The following PDXDC1 variants were observed in gnomAD, a reference collection of about 807,000 sequenced individuals.
The protein encoded by PDXDC1 is pyridoxal-dependent decarboxylase domain-containing protein 1.
PDXDC1 carries 42 observed loss-of-function variants against 100.1 expected under a neutral mutation model. The ratio of observed to expected loss-of-function variants is 0.42; its 90% CI spans 0.33 to 0.54. PDXDC1 has a LOEUF of 0.54. Among genes scored for constraint, PDXDC1 ranks in the 20% least tolerant of loss-of-function variants. The pLI, the probability that PDXDC1 is intolerant of heterozygous loss-of-function variation, is 0.10. For missense variants in PDXDC1, 636 were observed against 979.2 expected, an observed-to-expected ratio of 0.65 and a Z score of 4.68; for synonymous variants, 260 against 371.7, an observed-to-expected ratio of 0.70 and a Z score of 3.46.
chr16:14,988,951 C>T lies in PDXDC1; in HGVS notation c.22-8802C>T, dbSNP rs1342445967. 3.7e-6 allele frequency: 6 copies of T among 1,613,624 alleles called. 1 individual carries two copies. Among genetic ancestry groups the T allele is most frequent in the South Asian group, 2.2e-5 (2 of 90,982 alleles). Reference sequence around the variant, plus strand: ...CACAGGTTCTCGGCGTGCATGGTGGCGTGCCCGCTGAAGCGGTGATCTTCA... The same window carrying T: ...CACAGGTTCTCGGCGTGCATGGTGGTGTGCCCGCTGAAGCGGTGATCTTCA... On this transcript the variant is annotated intron_variant, in intron 1 of 22. Coordinates refer to ENST00000396410, the MANE Select transcript of PDXDC1 (RefSeq NM_015027.4).
At position 15,130,736 on chromosome 16, in the gene PDXDC1, C is replaced by T. The variant is rs767376567; in HGVS notation, c.1400-8143C>T. The T allele has an allele frequency of 3.0e-5, 43 of 1,442,430 alleles. No individual in the cohort carries two copies. The South Asian group carries it at 3.3e-4, about 11-fold the overall frequency. 89.4% of individuals were successfully genotyped at this position (1,442,430 alleles called of 1,614,324 possible). On this transcript the variant is annotated intron_variant, in intron 16 of 16. Transcript: ENST00000535621. ...AGCAGTTGTGCTCATTGGGCCGGGGCTCCGAGTGCAGGTAGACTGCCAGGT... is the reference window on the plus strand; with the variant it reads ...AGCAGTTGTGCTCATTGGGCCGGGGTTCCGAGTGCAGGTAGACTGCCAGGT...
At chr16:14,978,202 G>A (rs1967127092) in intron 1 of PDXDC1, among the ~76,000 whole-genome samples, 3 of 152,406 alleles carry the variant, frequency 2.0e-5, no homozygotes, top group South Asian at 2.1e-4. Context: ...TTCAAACTTA[G>A]GAGAGTAGGA....
the PDXDC1 span, among the ~76,000 whole-genome samples, chr16:15,145,213 C>T: frequency 1.3e-5 from 2 of 152,202 alleles, no homozygotes; most frequent in Admixed American, 6.5e-5. Flanking sequence ...CATCTGCGCC[C>T]GGCTGTGCGG....
chr16:15,145,753 G>A, the PDXDC1 span, among the ~76,000 whole-genome samples: 19 of 152,282 alleles, frequency 1.2e-4, no homozygotes, highest in Admixed American at 1.2e-3. Flanking sequence ...CGCTCACTCT[G>A]CAGGGAGACT....
chr16:15,019,193 A>G (rs1348834127), intron 12 of PDXDC1, among the ~76,000 whole-genome samples: 3 of 152,266 alleles, frequency 2.0e-5, no homozygotes, highest in Admixed American at 2.0e-4. Flanking sequence ...ATGAAAAGGA[A>G]CACCACTGTC....
chr16:15,077,417 A>C, intron 16 of PDXDC1, among the ~76,000 whole-genome samples: 1 of 151,894 alleles, frequency 6.6e-6, no homozygotes, highest in Non-Finnish European at 1.5e-5. Context: ...AAGAGATCTG[A>C]TGGTTTTATC....
At chr16:15,020,456 C>T (rs879057224) in intron 12 of PDXDC1, among the ~76,000 whole-genome samples, 3 of 152,342 alleles carry the variant, frequency 2.0e-5, no homozygotes, top group South Asian at 2.1e-4. Context: ...TTTGGGAGGC[C>T]GAGGTGGGCA....
chr16:15,135,379 C>T lies in PDXDC1; in HGVS notation c.1400-3500C>T, dbSNP rs191341801. On this transcript the variant is annotated intron_variant, in intron 16 of 16. Coordinates refer to the PDXDC1 transcript ENST00000535621. ...CCAGCCGTTCCCGTGGAATGGTGACCGTGCTGCTCCCGCGGGGCCCAAAGT... is the reference window on the plus strand; with the variant it reads ...CCAGCCGTTCCCGTGGAATGGTGACTGTGCTGCTCCCGCGGGGCCCAAAGT... The T allele has an allele frequency of 1.8e-3, 2,695 of 1,517,216 alleles. 42 individuals are homozygous for T. The highest frequency in any genetic ancestry group is 0.015 in the African/African-American group (1,092 of 72,182). The allele number at this position is 1,517,216 out of a possible 1,614,324, so 94.0% of individuals were successfully genotyped here.
At chr16:15,059,423 A>G (rs2044635991) in intron 16 of PDXDC1, among the ~76,000 whole-genome samples, 1 of 152,212 alleles carries the variant, frequency 6.6e-6, no homozygotes, top group Admixed American at 6.5e-5. Context: ...GCAAGAAAAC[A>G]ACAGCCATTA....
Position 15,109,212 on chromosome 16 carries a change from T to G in PDXDC1, c.1400-29667T>G, listed in dbSNP as rs558716525. ...GTAATATGACCAAAACATGAAAGACTGTGAAAATGAATCTGGAGGTGACCC... is the reference window on the plus strand; with the variant it reads ...GTAATATGACCAAAACATGAAAGACGGTGAAAATGAATCTGGAGGTGACCC... On this transcript the variant is annotated intron_variant, in intron 16 of 16. Transcript: ENST00000535621. The G allele has an allele frequency of 3.1e-4, 46 of 148,958 alleles. 1 individual carries two copies. The highest frequency in any genetic ancestry group is 1.0e-3 in the African/African-American group (41 of 41,144). 9.2% of individuals were successfully genotyped at this position (148,958 alleles called of 1,614,324 possible).
intron 16 of PDXDC1, chr16:15,129,853 A>T (rs1348148136): frequency 2.7e-6 from 2 of 743,492 alleles, no homozygotes; most frequent in East Asian, 5.3e-5. Flanking sequence ...AGAGCAGGGG[A>T]GGCCCTGCCA....
chr16:15,115,028 T>C (rs975046021), intron 16 of PDXDC1, among the ~76,000 whole-genome samples: 1 of 146,834 alleles, frequency 6.8e-6, no homozygotes, highest in Non-Finnish European at 1.5e-5. Flanking sequence ...CTCCAGCTCC[T>C]GGGCTCAAGC....
chr16:15,151,611 TA>T, the PDXDC1 span, among the ~76,000 whole-genome samples: 1 of 110,148 alleles, frequency 9.1e-6, no homozygotes, highest in South Asian at 3.5e-4. Context: ...TGCTTGCAGA[TA>T]AAAGGGTGGC....
chr16:15,087,931 A>G (rs1345025655), intron 16 of PDXDC1, among the ~76,000 whole-genome samples: 1 of 152,086 alleles, frequency 6.6e-6, no homozygotes, highest in East Asian at 1.9e-4. Context: ...CCTAACCAAC[A>G]TGGAGAAACC....
At chr16:14,980,728 G>A (rs1967774340) in intron 1 of PDXDC1, among the ~76,000 whole-genome samples, 1 of 152,282 alleles carries the variant, frequency 6.6e-6, no homozygotes, top group South Asian at 2.1e-4. Flanking sequence ...GCCTCCCAAA[G>A]TTCTGGGATT....
chr16:15,096,963 C>T (rs1326791705), intron 16 of PDXDC1, among the ~76,000 whole-genome samples: 2 of 152,152 alleles, frequency 1.3e-5, no homozygotes, highest in Admixed American at 1.3e-4. Context: ...CCATTCTTTC[C>T]CTTAAAAAAA....
Position 15,117,403 on chromosome 16 carries a change from G to A in PDXDC1, c.1400-21476G>A, listed in dbSNP as rs1306891368. On this transcript the variant is annotated intron_variant, in intron 16 of 16. Transcript: ENST00000535621. Reference sequence around the variant, plus strand: ...TGGCCAGGCGCGGTGGCTCACGCCTGTAATCCCAGCACTGGGAGGCCGAGG... The same window carrying A: ...TGGCCAGGCGCGGTGGCTCACGCCTATAATCCCAGCACTGGGAGGCCGAGG... 2.7e-5 allele frequency among the ~76,000 whole-genome samples: 4 copies of A among 146,848 alleles called. No individual in the cohort carries two copies. The East Asian group carries it at 8.0e-4, about 30-fold the overall frequency.
Position 15,133,654 on chromosome 16 carries a change from C to T in PDXDC1, c.1400-5225C>T, listed in dbSNP as rs1598265931. On this transcript the variant is annotated intron_variant, in intron 16 of 16. Transcript: ENST00000535621. ...AGTGGCCCTGGCGACAGCGCTGCAGCAGCAGGGCGTACACCAGCGGGGCGC... is the reference window on the plus strand; with the variant it reads ...AGTGGCCCTGGCGACAGCGCTGCAGTAGCAGGGCGTACACCAGCGGGGCGC... The T allele has an allele frequency of 3.4e-6, 5 of 1,466,956 alleles. No homozygotes were observed. The South Asian group carries it at 3.4e-5, about 10-fold the overall frequency. The allele number at this position is 1,466,956 out of a possible 1,614,324, so 90.9% of individuals were successfully genotyped here.
chr16:15,003,857 G>A (rs1462194732), intron 4 of PDXDC1, among the ~76,000 whole-genome samples: 4 of 152,234 alleles, frequency 2.6e-5, no homozygotes, highest in Non-Finnish European at 2.9e-5. Flanking sequence ...GGTGGTGCGC[G>A]CCTGTAATTC....
Sources: allele counts gnomAD v4.1 joint callset (sites outside exome capture counted in the v4.1 genomes callset), GRCh38; gene constraint gnomAD v4.1.1; transcripts MANE v1.5; gene names NCBI Gene and HGNC (gene_info 2026-07-23, HGNC 2026-07-21).